The following PTPN21 variants were observed in gnomAD, a reference collection of about 807,000 sequenced individuals.
The protein encoded by PTPN21 is tyrosine-protein phosphatase non-receptor type 21.
In PTPN21, 77 loss-of-function variants were observed where a neutral mutation model predicts 131.8. That is an observed-to-expected ratio of 0.58 (90% CI 0.49 to 0.71). The LOEUF is 0.71. Among genes scored for constraint, PTPN21 ranks in the 30% least tolerant of loss-of-function variants. The probability of loss-of-function intolerance (pLI) is 0.00; values close to 1 mark genes in which losing one functional copy is unlikely to be tolerated. For missense variants in PTPN21, 1,552 were observed against 1,527.1 expected (o/e 1.02, Z -0.27); for synonymous variants, 715 against 621.3 (o/e 1.15, Z -2.24).
chr14:88,523,178 T>A (rs550169851), intron 2 of PTPN21, among the ~76,000 whole-genome samples: 2 of 152,104 alleles, frequency 1.3e-5, no homozygotes, highest in South Asian at 4.2e-4. Context: ...CTTGTAAATA[T>A]AGATGCAAAA....
chr14:88,480,985 A>G (rs1566815603), intron 12 of PTPN21, among the ~76,000 whole-genome samples: 1 of 152,150 alleles, frequency 6.6e-6, no homozygotes, highest in Non-Finnish European at 1.5e-5. Flanking sequence ...CCAGACCTGC[A>G]GCTAACAGAA....
chr14:88,483,552 C>T (rs1003751513), intron 12 of PTPN21, among the ~76,000 whole-genome samples: 3 of 152,166 alleles, frequency 2.0e-5, no homozygotes, highest in Non-Finnish European at 2.9e-5. Context: ...AATACAGTCA[C>T]ATCCCACCTT....
intron 2 of PTPN21, among the ~76,000 whole-genome samples, chr14:88,525,698 G>C (rs568482463): frequency 2.0e-5 from 3 of 152,132 alleles, no homozygotes; most frequent in African/African-American, 7.2e-5. Context: ...TCCACTTCTA[G>C]GTACATACCC....
chr14:88,551,591 A>T (rs1595427756), intron 1 of PTPN21: 1 of 152,220 alleles, frequency 6.6e-6, no homozygotes, highest in African/African-American at 2.4e-5. Context: ...ATTTAAAGGG[A>T]CCAGCGCGTG....
rs768021248 is a variant in PTPN21 at position 88,468,282 on chromosome 14, G to A, written c.3397-17C>T. The A allele has an allele frequency of 2.7e-5, 42 of 1,582,354 alleles. No homozygotes were observed. The highest frequency in any genetic ancestry group is 1.4e-4 in the African/African-American group (10 of 73,228). ...GTCCAGCACCTAGGTTGAGAGAAAC[G>A]GTAATGAAGATAATGTGTTCCCCTG... On this transcript the variant is annotated splice_polypyrimidine_tract_variant and intron_variant, in intron 18 of 18. Transcript: ENST00000556564.
chr14:88,525,444 C>A (rs951875928), intron 2 of PTPN21, among the ~76,000 whole-genome samples: 1 of 152,102 alleles, frequency 6.6e-6, no homozygotes, highest in Non-Finnish European at 1.5e-5. Flanking sequence ...GAATGGCTAA[C>A]AAGCACATGA....
chr14:88,512,853 G>A (rs1019409110), intron 3 of PTPN21, among the ~76,000 whole-genome samples: 1 of 152,156 alleles, frequency 6.6e-6, no homozygotes, highest in African/African-American at 2.4e-5. Flanking sequence ...AGTGGTGCCT[G>A]GTACTTCCTG....
At chr14:88,499,540 A>T (rs1029373777) in intron 8 of PTPN21, among the ~76,000 whole-genome samples, 1 of 152,194 alleles carries the variant, frequency 6.6e-6, no homozygotes, top group African/African-American at 2.4e-5. Context: ...ATGCCAGTTA[A>T]TAACTGGGTC....
chr14:88,523,497 C>G (rs1196501611), intron 2 of PTPN21, among the ~76,000 whole-genome samples: 1 of 152,064 alleles, frequency 6.6e-6, no homozygotes, highest in Non-Finnish European at 1.5e-5. Flanking sequence ...ATATCATACT[C>G]CATGGAGAAA....
At chr14:88,530,289 G>T (rs1371049014) in intron 2 of PTPN21, among the ~76,000 whole-genome samples, 6 of 152,086 alleles carry the variant, frequency 3.9e-5, no homozygotes, top group Non-Finnish European at 8.8e-5. Flanking sequence ...TCTTAATCTT[G>T]AAACAAAACC....
Position 88,519,549 on chromosome 14 carries a change from G to A in PTPN21, c.181-2288C>T, listed in dbSNP as rs957848814. ...AAATAATAGAACATTTCTTTGACCT[G>A]CAATCCTCATTCAAGTAAAAAATAA... On this transcript the variant is annotated intron_variant, in intron 2 of 18. Coordinates refer to ENST00000556564, the MANE Select transcript of PTPN21 (RefSeq NM_007039.4). Among the ~76,000 whole-genome samples the A allele has an allele frequency of 2.6e-4, 39 of 152,148 alleles. 1 individual carries two copies. The highest frequency in any genetic ancestry group is 4.4e-5 in the Non-Finnish European group (3 of 68,030).
chr14:88,547,573 A>T (rs2078801539), intron 2 of PTPN21: 1 of 436,412 alleles, frequency 2.3e-6, no homozygotes, highest in Admixed American at 2.5e-5. Context: ...GGATCACTTG[A>T]GCCTAGGTGT....
In PTPN21 at chr14:88,479,863, G is replaced by C. The variant is rs1184601560; in HGVS notation, c.1568C>G (p.Pro523Arg). The change falls in exon 13 of 19, where the codon CCC (proline) becomes CGC (arginine). Residue 523 changes from proline (P) to arginine (R), a missense_variant. Around this residue, in one of 4 missense-constraint regions of PTPN21, gnomAD observed 1,016 missense variants for 883.5 expected, o/e 1.15. Coordinates refer to ENST00000556564, the MANE Select transcript of PTPN21 (RefSeq NM_007039.4). ...CCGCCGCTCGGCAGGGTAGGGGTAG[G>C]GAGACGGGCTGTGGAAGCTGTAGCT... ...SLSYSFHSPS[P>R]YPYPAERRPV... 6.4e-7 allele frequency: 1 copy of C among 1,572,508 alleles called. No individual in the cohort carries two copies. The highest frequency in any genetic ancestry group is 1.3e-5 in the African/African-American group (1 of 74,592).
intron 12 of PTPN21, among the ~76,000 whole-genome samples, chr14:88,482,374 T>C (rs975687334): frequency 3.3e-5 from 5 of 151,972 alleles, no homozygotes; most frequent in Non-Finnish European, 7.4e-5. Flanking sequence ...CCTGTAACAC[T>C]AGCACTTTGG....
At chr14:88,549,765 A>ATT (rs757588861) in intron 2 of PTPN21, among the ~76,000 whole-genome samples, 12 of 134,490 alleles carry the variant, frequency 8.9e-5, no homozygotes, top group Non-Finnish European at 1.1e-4. Flanking sequence ...CGCCCAGCCA[A>ATT]TTTTTTTTTT....
intron 2 of PTPN21, among the ~76,000 whole-genome samples, chr14:88,526,807 T>C (rs1392466810): frequency 6.6e-6 from 1 of 152,094 alleles, no homozygotes; most frequent in Non-Finnish European, 1.5e-5. Context: ...TTCACCCCAT[T>C]CCCATCCTTC....
At chr14:88,530,126 C>T (rs2078534384) in intron 2 of PTPN21, among the ~76,000 whole-genome samples, 2 of 152,120 alleles carry the variant, frequency 1.3e-5, no homozygotes, top group South Asian at 4.1e-4. Flanking sequence ...CCTATATTAG[C>T]CTCCTTAAAC....
At chr14:88,502,471 C>T (rs919411673) in intron 6 of PTPN21, among the ~76,000 whole-genome samples, 2 of 152,268 alleles carry the variant, frequency 1.3e-5, no homozygotes, top group East Asian at 3.9e-4. Flanking sequence ...TCATTATCTT[C>T]TTATATGTAT....
intron 3 of PTPN21, chr14:88,514,050 T>C (rs1173498605): frequency 6.6e-6 from 1 of 152,234 alleles, no homozygotes; most frequent in Admixed American, 6.5e-5. Context: ...GTTTTTAGAA[T>C]GTGTTATAGC....
Sources: gnomAD v4.1 joint callset for allele counts (sites outside exome capture counted in the v4.1 genomes callset) on GRCh38, gnomAD v4.1.1 for gene constraint, gnomAD v4.1.1 regional missense constraint, MANE v1.5 for transcripts, NCBI Gene and HGNC (gene_info 2026-07-23, HGNC 2026-07-21) for gene names.